DPP10: variants seen among roughly 807,000 people sequenced by gnomAD.
DPP10 encodes the protein inactive dipeptidyl peptidase 10.
In DPP10, 33 loss-of-function variants were observed where a neutral mutation model predicts 120.9. The ratio of observed to expected loss-of-function variants is 0.27; its 90% CI spans 0.21 to 0.37. DPP10 has a LOEUF of 0.37. Ranked by LOEUF, DPP10 falls within the 10% of genes least tolerant of loss-of-function variation. The pLI is 1.00. For synonymous variants in DPP10, 337 were observed against 326.1 expected (o/e 1.03, Z -0.36); for missense variants, 816 against 942.8 (o/e 0.87, Z 1.76).
intron 1 of DPP10, among the ~76,000 whole-genome samples, chr2:115,099,243 G>A (rs2048564318): frequency 6.6e-6 from 1 of 152,138 alleles, no homozygotes; most frequent in Admixed American, 6.5e-5. Flanking sequence ...GAACCCAGGA[G>A]GCGGAGGTTG....
chr2:114,572,639 A>G (rs1186222204), intron 1 of DPP10, among the ~76,000 whole-genome samples: 2 of 152,254 alleles, frequency 1.3e-5, no homozygotes, highest in Non-Finnish European at 2.9e-5. Context: ...GTAAACCTAC[A>G]GCGAATGATA....
intron 1 of DPP10, among the ~76,000 whole-genome samples, chr2:114,468,457 C>A (rs1380433986): frequency 7.3e-6 from 1 of 137,604 alleles, no homozygotes; most frequent in Non-Finnish European, 1.6e-5. Context: ...CTTCCACTTA[C>A]AAATGGCAAG....
At chr2:115,061,737 G>C (rs1706420470) in intron 1 of DPP10, among the ~76,000 whole-genome samples, 1 of 152,104 alleles carries the variant, frequency 6.6e-6, no homozygotes, top group Admixed American at 6.5e-5. Flanking sequence ...ATCATTTGAG[G>C]CAGGTAATCA....
At chr2:114,769,701 A>G (rs1681076301) in intron 1 of DPP10, among the ~76,000 whole-genome samples, 1 of 152,176 alleles carries the variant, frequency 6.6e-6, no homozygotes, top group Non-Finnish European at 1.5e-5. Context: ...AAATGTAAAT[A>G]CCTATGTAAA....
Position 115,525,964 on chromosome 2 carries a change from G to A in DPP10, c.433G>A (p.Val145Ile), listed in dbSNP as rs566062096. The A allele has an allele frequency of 1.2e-6, 2 of 1,608,984 alleles. No homozygotes were observed. The highest frequency in any genetic ancestry group is 2.2e-5 in the East Asian group (1 of 44,690). The change falls in exon 5 of 26, where the codon GTC becomes ATC. Residue 145 changes from valine (V) to isoleucine (I), a missense_variant. By Grantham distance (29) the Val-to-Ile change is conservative (BLOSUM62 3). Around this residue, in one of 3 missense-constraint regions of DPP10, gnomAD observed 182 missense variants for 207.4 expected, o/e 0.88. Coordinates refer to ENST00000410059, the MANE Select transcript of DPP10 (RefSeq NM_020868.6). Reference sequence around the variant, plus strand: ...AAAATATGTCCTTCTGGCATATGATGTCAAACAGGTAAAGGAGTGATCTTC... The same window carrying A: ...AAAATATGTCCTTCTGGCATATGATATCAAACAGGTAAAGGAGTGATCTTC... The part of the protein sequence containing the change: ...DLKYVLLAYD[V>I]KQIFHYSYTA...
chr2:115,227,993 C>T (rs1435377661), intron 1 of DPP10, among the ~76,000 whole-genome samples: 1 of 148,926 alleles, frequency 6.7e-6, no homozygotes, highest in Non-Finnish European at 1.5e-5. Context: ...GTGATCGTGG[C>T]TCTCTGCAGC....
intron 1 of DPP10, among the ~76,000 whole-genome samples, chr2:114,986,873 C>T (rs371374340): frequency 1.1e-4 from 17 of 152,070 alleles, no homozygotes; most frequent in African/African-American, 3.6e-4. Context: ...CAGGTTCAAT[C>T]GATTCTCCTG....
At chr2:115,355,257 CT>C (rs1376964506) in intron 3 of DPP10, among the ~76,000 whole-genome samples, 1 of 152,184 alleles carries the variant, frequency 6.6e-6, no homozygotes, top group African/African-American at 2.4e-5. Flanking sequence ...GCCATTCTGA[CT>C]GGCATGGGAT....
intron 2 of DPP10, among the ~76,000 whole-genome samples, chr2:115,334,043 G>A (rs889941964): frequency 6.6e-6 from 1 of 151,668 alleles, no homozygotes; most frequent in African/African-American, 2.4e-5. Context: ...GTGACGGGGC[G>A]AATGGAACCA....
At chr2:114,975,201 A>G (rs750421653) in intron 1 of DPP10, among the ~76,000 whole-genome samples, 2 of 152,126 alleles carry the variant, frequency 1.3e-5, no homozygotes, top group East Asian at 3.9e-4. Context: ...GCATGCCACC[A>G]CGCCCAGCTA....
intron 1 of DPP10, among the ~76,000 whole-genome samples, chr2:115,251,055 A>G (rs1407794215): frequency 6.6e-6 from 1 of 152,190 alleles, no homozygotes; most frequent in Admixed American, 6.5e-5. Flanking sequence ...CACTTCTGTT[A>G]CTGTGGGAAG....
intron 3 of DPP10, among the ~76,000 whole-genome samples, chr2:115,366,479 C>T (rs76323737): frequency 6.6e-6 from 1 of 151,912 alleles, no homozygotes; most frequent in African/African-American, 2.4e-5. Flanking sequence ...ATGTACATTG[C>T]TATGTATGTC....
intron 1 of DPP10, among the ~76,000 whole-genome samples, chr2:114,956,967 C>G (rs369184778): frequency 8.2e-6 from 1 of 122,694 alleles, no homozygotes; most frequent in East Asian, 2.5e-4. Flanking sequence ...CATGTAAGAC[C>G]TAAAACTCTA....
At chr2:114,830,045 G>C (rs13421246) in intron 1 of DPP10, among the ~76,000 whole-genome samples, 39,513 of 151,898 alleles carry the variant, frequency 0.26, 5,224 homozygotes, top group Middle Eastern at 0.38. Context: ...GTCCTCTCCT[G>C]GGCTGATGGC....
At position 115,780,980 on chromosome 2, in the gene DPP10, T is replaced by G; in HGVS notation, c.1468T>G (p.Leu490Val). ...ASFSPMNQHF[L>V]LFCEGPRVPV... is the part of the protein sequence containing the mutation. Reference sequence around the variant, plus strand: ...TTTTAGTCCCATGAATCAACATTTCTTATTATTCTGTGAAGGTAAGATAAT... The same window carrying G: ...TTTTAGTCCCATGAATCAACATTTCGTATTATTCTGTGAAGGTAAGATAAT... Residue 490 changes from leucine to valine, a missense_variant, in exon 16 of 26, where the codon TTA becomes GTA. Around this residue, in one of 3 missense-constraint regions of DPP10, gnomAD observed 592 missense variants for 649.0 expected, o/e 0.91. Coordinates refer to ENST00000410059, the MANE Select transcript of DPP10 (RefSeq NM_020868.6). 6.3e-7 allele frequency: 1 copy of G among 1,588,414 alleles called. No individual in the cohort carries two copies. The highest frequency in any genetic ancestry group is 1.1e-5 in the South Asian group (1 of 87,800).
At chr2:114,699,542 G>A (rs1700267137) in intron 1 of DPP10, among the ~76,000 whole-genome samples, 1 of 152,020 alleles carries the variant, frequency 6.6e-6, no homozygotes, top group Admixed American at 6.6e-5. Context: ...TGAGGCTCTT[G>A]GCCCATATCT....
chr2:114,708,501 G>A (rs982545322), intron 1 of DPP10, among the ~76,000 whole-genome samples: 1 of 152,106 alleles, frequency 6.6e-6, no homozygotes, highest in Non-Finnish European at 1.5e-5. Context: ...TTCTTCCCCT[G>A]TTCCCACCAC....
intron 1 of DPP10, among the ~76,000 whole-genome samples, chr2:115,127,499 CATT>C (rs2050137770): frequency 6.6e-6 from 1 of 152,098 alleles, no homozygotes; most frequent in Middle Eastern, 3.2e-3. Context: ...TGGCATTTAT[CATT>C]TTTTCCCTAA....
intron 1 of DPP10, among the ~76,000 whole-genome samples, chr2:114,780,557 T>C (rs553757607): frequency 7.2e-5 from 11 of 152,134 alleles, no homozygotes; most frequent in Non-Finnish European, 1.3e-4. Context: ...TATCACTAAA[T>C]TCCATTTAAA....
Sources: allele counts gnomAD v4.1 joint callset (sites outside exome capture counted in the v4.1 genomes callset), GRCh38; gene constraint gnomAD v4.1.1; regional missense constraint gnomAD v4.1.1; transcripts MANE v1.5; gene names NCBI Gene and HGNC (gene_info 2026-07-23, HGNC 2026-07-21).